Variants in ARHGEF38 observed in about 807,000 individuals in gnomAD.
ARHGEF38 encodes the protein Rho guanine nucleotide exchange factor (GEF) 38.
In ARHGEF38, 79 loss-of-function variants were observed where a neutral mutation model predicts 79.9. The observed-to-expected ratio is 0.99, with a 90% CI of 0.82 to 1.19. The LOEUF (loss-of-function observed/expected upper bound fraction) is 1.19, where lower values mean the gene tolerates loss of function less well. ARHGEF38 is among the 50% of genes most tolerant of loss of function. The probability of loss-of-function intolerance (pLI) is 0.00; values close to 1 mark genes in which losing one functional copy is unlikely to be tolerated. For missense variants in ARHGEF38, 962 were observed against 907.2 expected (o/e 1.06, Z -0.78); for synonymous variants, 366 against 328.3 (o/e 1.11, Z -1.24).
intron 2 of ARHGEF38, among the ~76,000 whole-genome samples, chr4:105,605,857 T>G (rs1728014334): frequency 6.6e-6 from 1 of 152,064 alleles, no homozygotes; most frequent in African/African-American, 2.4e-5. Context: ...CTTCTCAACT[T>G]CCTTACTAAA....
chr4:105,657,986 A>T (rs1369365608), intron 9 of ARHGEF38, among the ~76,000 whole-genome samples: 1 of 152,222 alleles, frequency 6.6e-6, no homozygotes, highest in Non-Finnish European at 1.5e-5. Context: ...AAAGTAGGGC[A>T]GTCAGCAAAT....
At chr4:105,590,744 A>G (rs1727297221) in intron 2 of ARHGEF38, among the ~76,000 whole-genome samples, 3 of 152,194 alleles carry the variant, frequency 2.0e-5, no homozygotes, top group African/African-American at 7.2e-5. Context: ...GAAAGTCAAT[A>G]TGATTTTAAT....
intron 1 of ARHGEF38, among the ~76,000 whole-genome samples, chr4:105,579,263 C>T (rs774155013): frequency 2.0e-5 from 3 of 152,112 alleles, no homozygotes; most frequent in Admixed American, 6.5e-5. Context: ...ATTTCCAATA[C>T]TATGATGAGT....
At chr4:105,572,931 T>C (rs1726307450) in intron 1 of ARHGEF38, among the ~76,000 whole-genome samples, 5 of 152,218 alleles carry the variant, frequency 3.3e-5, no homozygotes, top group Admixed American at 3.3e-4. Flanking sequence ...TAGCCATCCT[T>C]ATGGGTGCAA....
At chr4:105,681,928 T>G (rs1339918586), downstream of ARHGEF38, among the ~76,000 whole-genome samples, 3 of 152,210 alleles carry the variant, frequency 2.0e-5, no homozygotes, top group Non-Finnish European at 4.4e-5. Flanking sequence ...CATCAGTGTG[T>G]GAACAAGTCA....
intron 1 of ARHGEF38, 134 bp downstream of exon 1, chr4:105,553,095 G>A: frequency 1.5e-6 from 1 of 653,650 alleles, no homozygotes. Flanking sequence ...AAAATAAGAA[G>A]ATGAAAGTAA....
chr4:105,673,147 G>A (rs939883279), intron 13 of ARHGEF38, among the ~76,000 whole-genome samples: 1 of 152,066 alleles, frequency 6.6e-6, no homozygotes, highest in South Asian at 2.1e-4. Flanking sequence ...CCTAATCACA[G>A]GAGTAATAGC....
At chr4:105,606,429 A>C (rs1728044087) in intron 2 of ARHGEF38, among the ~76,000 whole-genome samples, 1 of 152,124 alleles carries the variant, frequency 6.6e-6, no homozygotes, top group African/African-American at 2.4e-5. Flanking sequence ...TTAAGAGCCC[A>C]AAAATATAGT....
chr4:105,583,893 G>C (rs1460517068), intron 1 of ARHGEF38, among the ~76,000 whole-genome samples: 7 of 152,090 alleles, frequency 4.6e-5, no homozygotes, highest in Non-Finnish European at 1.0e-4. Context: ...CCAAGGCTGA[G>C]ACAAATCATT....
intron 10 of ARHGEF38, among the ~76,000 whole-genome samples, chr4:105,659,886 T>TGC (rs1553949057): frequency 0.025 from 3,704 of 150,620 alleles, 147 homozygotes; most frequent in African/African-American, 0.076. Flanking sequence ...TGTGTGTGTG[T>TGC]GTAGCTTCGC....
At position 105,679,937 on chromosome 4, in the gene ARHGEF38, CT is replaced by C; in HGVS notation, c.*2004del. On this transcript the variant is annotated 3_prime_UTR_variant, in exon 14 of 14. Transcript: ENST00000420470. ...AACTTTATAATTACCTCTCTGAAGCCTTTTAGTGTAATTTCTCTTTGTGACT... is the reference window on the plus strand; with the variant it reads ...AACTTTATAATTACCTCTCTGAAGCCTTTAGTGTAATTTCTCTTTGTGACT... 2.2e-6 allele frequency: 3 copies of C among 1,381,532 alleles called. No homozygotes were observed. Among genetic ancestry groups the C allele is most frequent in the Non-Finnish European group, 3.1e-6 (3 of 972,910 alleles). 85.6% of individuals were successfully genotyped at this position (1,381,532 alleles called of 1,614,324 possible).
intron 6 of ARHGEF38, among the ~76,000 whole-genome samples, chr4:105,646,580 T>C (rs1411220428): frequency 1.3e-5 from 2 of 152,162 alleles, no homozygotes; most frequent in African/African-American, 2.4e-5. Flanking sequence ...CCTAGCAAAG[T>C]TGAAGATGCA....
At chr4:105,622,976 C>A (rs1278155522) in intron 3 of ARHGEF38, among the ~76,000 whole-genome samples, 1 of 152,124 alleles carries the variant, frequency 6.6e-6, no homozygotes, top group Middle Eastern at 3.2e-3. Flanking sequence ...TGTTACCAGT[C>A]CAAATTCTAT....
At position 105,680,086 on chromosome 4, in the gene ARHGEF38, A is replaced by G. The variant is rs746101895; in HGVS notation, c.*2149A>G. 2.6e-6 allele frequency: 2 copies of G among 760,804 alleles called. No homozygotes were observed. Among genetic ancestry groups the G allele is most frequent in the Non-Finnish European group, 4.9e-6 (2 of 410,482 alleles). 47.1% of individuals were successfully genotyped at this position (760,804 alleles called of 1,614,324 possible). On this transcript the variant is annotated 3_prime_UTR_variant, in exon 14 of 14. Coordinates refer to ENST00000420470, the MANE Select transcript of ARHGEF38 (RefSeq NM_001242729.2). ...TCCCTTCAGATCCACTGTAGACTTGAAGGACATCTCATTTTCATCTGTGTT... is the reference window on the plus strand; with the variant it reads ...TCCCTTCAGATCCACTGTAGACTTGGAGGACATCTCATTTTCATCTGTGTT...
Position 105,678,032 on chromosome 4 carries a change from C to T in ARHGEF38, c.*95C>T. The T allele has an allele frequency of 1.2e-5, 13 of 1,069,088 alleles. No individual in the cohort carries two copies. The highest frequency in any genetic ancestry group is 1.6e-5 in the Non-Finnish European group (12 of 772,846). 66.2% of individuals were successfully genotyped at this position (1,069,088 alleles called of 1,614,324 possible). A position where few individuals can be genotyped will look rare whatever the true frequency, so the allele number is the denominator to read the frequency against. ...AAACTTTGGACCAGAAAGCAAGAAACCTCTGAACTACAGAAACTGATACTG... is the reference window on the plus strand; with the variant it reads ...AAACTTTGGACCAGAAAGCAAGAAATCTCTGAACTACAGAAACTGATACTG... On this transcript the variant is annotated 3_prime_UTR_variant, in exon 14 of 14. Transcript: ENST00000420470.
chr4:105,680,048 A>C lies in ARHGEF38; in HGVS notation c.*2111A>C. ...AGTTACATTCTTCTTCGTCTCACAG[A>C]AAATAATAGCCCTCCCTTCAGATCC... On this transcript the variant is annotated 3_prime_UTR_variant, in exon 14 of 14. Transcript: ENST00000420470. The C allele has an allele frequency of 3.6e-6, 3 of 835,082 alleles. No individual in the cohort carries two copies. In the South Asian group the frequency reaches 4.0e-5, roughly 11 times the overall value. 51.7% of individuals were successfully genotyped at this position (835,082 alleles called of 1,614,324 possible). A position where few individuals can be genotyped will look rare whatever the true frequency, so the allele number is the denominator to read the frequency against.
At chr4:105,584,958 A>T (rs1726962976) in intron 1 of ARHGEF38, among the ~76,000 whole-genome samples, 1 of 152,134 alleles carries the variant, frequency 6.6e-6, no homozygotes, top group Admixed American at 6.5e-5. Flanking sequence ...AAGCCAGATA[A>T]ACTGCTCAGG....
chr4:105,581,423 G>T (rs1427436679), intron 1 of ARHGEF38, among the ~76,000 whole-genome samples: 1 of 152,066 alleles, frequency 6.6e-6, no homozygotes, highest in African/African-American at 2.4e-5. Flanking sequence ...GTAAACATTA[G>T]TTGAACCTTC....
At chr4:105,558,128 C>G (rs1423476359) in intron 1 of ARHGEF38, among the ~76,000 whole-genome samples, 1 of 152,140 alleles carries the variant, frequency 6.6e-6, no homozygotes, top group Non-Finnish European at 1.5e-5. Context: ...GAAAGATGAA[C>G]CACCCTACTG....
Sources: allele counts gnomAD v4.1 joint callset (sites outside exome capture counted in the v4.1 genomes callset), GRCh38; gene constraint gnomAD v4.1.1; transcripts MANE v1.5; gene names NCBI Gene and HGNC (gene_info 2026-07-23, HGNC 2026-07-21).